The following FBXW10 variants were observed in gnomAD, a reference collection of about 807,000 sequenced individuals.
FBXW10 encodes the protein F-box and WD repeat domain containing 10.
FBXW10 carries 68 observed loss-of-function variants against 113.1 expected under a neutral mutation model. The ratio of observed to expected loss-of-function variants is 0.60; its 90% CI spans 0.49 to 0.74. The LOEUF (loss-of-function observed/expected upper bound fraction) is 0.74. Among genes scored for constraint, FBXW10 ranks in the 30% least tolerant of loss-of-function variants. The pLI is 0.00. For synonymous variants in FBXW10, 289 were observed against 481.6 expected, an observed-to-expected ratio of 0.60 and a Z score of 5.24; for missense variants, 753 against 1,284.5, an observed-to-expected ratio of 0.59 and a Z score of 6.32.
intron 12 of FBXW10, among the ~76,000 whole-genome samples, chr17:18,772,928 C>CTTT (rs940811811): frequency 2.2e-5 from 3 of 135,644 alleles, no homozygotes; most frequent in Non-Finnish European, 1.6e-5. Flanking sequence ...TTCTTTCTTT[C>CTTT]TTTTTTTTTT....
At chr17:18,750,465 T>C (rs527889517) in intron 4 of FBXW10, among the ~76,000 whole-genome samples, 858 of 150,972 alleles carry the variant, frequency 5.7e-3, no homozygotes, top group African/African-American at 0.02. Context: ...AAGCCATAAA[T>C]GTGTCTCTGC....
At chr17:18,747,327 G>C (rs1221401365) in intron 1 of FBXW10, among the ~76,000 whole-genome samples, 8 of 152,260 alleles carry the variant, frequency 5.3e-5, no homozygotes, top group African/African-American at 1.9e-4. Context: ...TTTGGAGGCC[G>C]AGGCGGGTGG....
At chr17:18,762,788 C>A (rs2035411512) in intron 7 of FBXW10, among the ~76,000 whole-genome samples, 1 of 151,444 alleles carries the variant, frequency 6.6e-6, no homozygotes, top group East Asian at 1.9e-4. Context: ...CTCCACTGAG[C>A]ATAATACCTG....
At chr17:18,755,222 C>T (rs2035236123) in intron 5 of FBXW10, among the ~76,000 whole-genome samples, 1 of 151,588 alleles carries the variant, frequency 6.6e-6, no homozygotes, top group African/African-American at 2.4e-5. Flanking sequence ...AAGATCATGA[C>T]ATTGCACTCC....
chr17:18,747,298 C>T (rs934309391), intron 1 of FBXW10, among the ~76,000 whole-genome samples: 18 of 152,146 alleles, frequency 1.2e-4, no homozygotes, highest in African/African-American at 4.1e-4. Flanking sequence ...CAGTGGCTCA[C>T]GCTTGTAATC....
At chr17:18,750,205 A>T (rs2035136288) in intron 4 of FBXW10, 68 bp downstream of exon 4, 2 of 1,434,676 alleles carry the variant, frequency 1.4e-6, no homozygotes, top group Non-Finnish European at 1.9e-6. Context: ...GGCTGATATG[A>T]CTGTGGACCT....
At chr17:18,747,687 G>A (rs578143029) in intron 1 of FBXW10, among the ~76,000 whole-genome samples, 4 of 151,880 alleles carry the variant, frequency 2.6e-5, no homozygotes, top group Non-Finnish European at 4.4e-5. Flanking sequence ...TCCTGACCTC[G>A]ACTCTCTCTC....
Position 18,770,084 on chromosome 17 carries a change from A to G in FBXW10, c.2005A>G (p.Arg669Gly). ...PVLSFFIQGN[R>G]MVVNTESNVL... is the part of the protein sequence containing the mutation. ...GCTGTCCTTCTTTATTCAGGGCAAC[A>G]GGTGGGTGGTAGGTGTGGAGGTCAG... The change falls in exon 11 of 14, where the codon AGG becomes GGG. Residue 669 changes from arginine (R) to glycine (G), a missense_variant and splice_region_variant. Coordinates refer to ENST00000395665, the MANE Select transcript of FBXW10 (RefSeq NM_001267585.2). 2.5e-6 allele frequency: 4 copies of G among 1,614,152 alleles called. No homozygotes were observed. The highest frequency in any genetic ancestry group is 3.4e-6 in the Non-Finnish European group (4 of 1,180,002).
intron 7 of FBXW10, among the ~76,000 whole-genome samples, chr17:18,762,103 CA>C (rs2035396325): frequency 6.6e-6 from 1 of 151,870 alleles, no homozygotes; most frequent in African/African-American, 2.4e-5. Context: ...GCTGGGACTA[CA>C]GGCGCCCACC....
At chr17:18,761,352 G>A (rs1402274855) in intron 7 of FBXW10, among the ~76,000 whole-genome samples, 2 of 150,666 alleles carry the variant, frequency 1.3e-5, no homozygotes, top group African/African-American at 4.9e-5. Context: ...TGCCAGCTCC[G>A]CCTTCCGTGA....
intron 13 of FBXW10, among the ~76,000 whole-genome samples, chr17:18,776,933 A>G (rs917523118): frequency 6.6e-6 from 1 of 152,138 alleles, no homozygotes; most frequent in African/African-American, 2.4e-5. Context: ...ACAATACATT[A>G]TCATTTGAAA....
chr17:18,762,042 C>T (rs1003018799), intron 7 of FBXW10, among the ~76,000 whole-genome samples: 10 of 151,772 alleles, frequency 6.6e-5, no homozygotes, highest in African/African-American at 2.4e-4. Context: ...AGCTCACTGC[C>T]AGCTCCGCCT....
chr17:18,768,027 CT>C (rs2035533980), intron 9 of FBXW10, among the ~76,000 whole-genome samples: 2 of 12,302 alleles, frequency 1.6e-4, no homozygotes, highest in Non-Finnish European at 5.7e-4. Context: ...TCCTTCCTTT[CT>C]TCCTTCCTTC....
chr17:18,764,200 C>CTTT (rs140032131), intron 7 of FBXW10, among the ~76,000 whole-genome samples: 1,595 of 115,692 alleles, frequency 0.014, 7 homozygotes, highest in African/African-American at 0.02. Flanking sequence ...TGTAAATACT[C>CTTT]TTTTTTTTTT....
At chr17:18,770,449 C>A (rs547361764) in intron 11 of FBXW10, among the ~76,000 whole-genome samples, 483 of 152,010 alleles carry the variant, frequency 3.2e-3, no homozygotes, top group Admixed American at 0.029. Flanking sequence ...ATTACAGGCG[C>A]CCACCAGTAT....
chr17:18,749,980 G>C (rs766680128), intron 3 of FBXW10, 30 bp from the exon 4 acceptor site: 1 of 1,613,912 alleles, frequency 6.2e-7, no homozygotes, highest in Admixed American at 1.7e-5. Flanking sequence ...CCCAGTTCTG[G>C]GGTTTCTGGG....
At chr17:18,758,556 C>G (rs534591444) in intron 7 of FBXW10, 51 bp downstream of exon 7, 1 of 1,609,018 alleles carries the variant, frequency 6.2e-7, no homozygotes, top group Non-Finnish European at 8.5e-7. Context: ...GGCCTAGAGG[C>G]AGCTCATGGA....
rs917049935 is a variant in FBXW10 at position 18,745,423 on chromosome 17, C to CT, written c.505+684dup. On this transcript the variant is annotated intron_variant, in intron 1 of 13. Coordinates refer to ENST00000395665, the MANE Select transcript of FBXW10 (RefSeq NM_001267585.2). ...GGGCCCAGGATTCTGTATGTCTTTT[C>CT]TTTTTTTTTTGAGATGGAGTCTCGC... The CT allele has an allele frequency of 8.8e-3, 1,864 of 212,112 alleles. 11 individuals are homozygous for CT. Among genetic ancestry groups the CT allele is most frequent in the African/African-American group, 0.022 (923 of 41,734 alleles). The allele number at this position is 212,112 out of a possible 1,614,324, so 13.1% of individuals were successfully genotyped here.
intron 13 of FBXW10, among the ~76,000 whole-genome samples, chr17:18,778,246 C>G (rs1230002116): frequency 1.3e-5 from 2 of 152,156 alleles, no homozygotes. Context: ...GAGCGAGACT[C>G]CGTCTCAAAA....
Sources: gnomAD v4.1 joint callset for allele counts (sites outside exome capture counted in the v4.1 genomes callset) on GRCh38, gnomAD v4.1.1 for gene constraint, MANE v1.5 for transcripts, NCBI Gene and HGNC (gene_info 2026-07-23, HGNC 2026-07-21) for gene names.